ADAM12: variants seen among roughly 807,000 people sequenced by gnomAD.
ADAM12 encodes disintegrin and metalloproteinase domain-containing protein 12.
ADAM12 carries 70 observed loss-of-function variants against 106.4 expected under a neutral mutation model. The observed-to-expected ratio is 0.66, with a 90% CI of 0.54 to 0.80. The LOEUF (loss-of-function observed/expected upper bound fraction) is 0.80. ADAM12 is among the 30% of genes least tolerant of loss of function. The pLI is 0.00. For missense variants in ADAM12, 1,010 were observed against 1,171.9 expected (o/e 0.86, Z 2.02); for synonymous variants, 420 against 433.5 (o/e 0.97, Z 0.39).
intron 6 of ADAM12, among the ~76,000 whole-genome samples, 195 bp downstream of exon 6, chr10:126,117,843 A>G (rs1407500681): frequency 1.3e-5 from 2 of 151,662 alleles, no homozygotes; most frequent in Non-Finnish European, 2.9e-5. Flanking sequence ...TGACATCTGC[A>G]GTACAGTGAT....
At chr10:126,285,811 G>A (rs1329525332) in intron 2 of ADAM12, among the ~76,000 whole-genome samples, 1 of 152,136 alleles carries the variant, frequency 6.6e-6, no homozygotes, top group Non-Finnish European at 1.5e-5. Context: ...GCAAAGACGG[G>A]TGCGGCCAGG....
intron 5 of ADAM12, among the ~76,000 whole-genome samples, chr10:126,131,280 T>C (rs948309308): frequency 6.6e-6 from 1 of 151,958 alleles, no homozygotes; most frequent in Admixed American, 6.6e-5. Context: ...CACTGACAAC[T>C]CTGATTGTTT....
intron 2 of ADAM12, among the ~76,000 whole-genome samples, chr10:126,290,233 AT>A (rs1348928213): frequency 6.6e-6 from 1 of 152,184 alleles, no homozygotes; most frequent in Non-Finnish European, 1.5e-5. Context: ...ATAGAACTGA[AT>A]TCCGCCAGTG....
At chr10:126,106,576 C>T (rs1955774162) in intron 8 of ADAM12, among the ~76,000 whole-genome samples, 1 of 150,736 alleles carries the variant, frequency 6.6e-6, no homozygotes, top group Non-Finnish European at 1.5e-5. Flanking sequence ...ACCTCTGCTT[C>T]CCGGGTTCAA....
In ADAM12 at chr10:126,365,466, T is replaced by C. The variant is rs137927461; in HGVS notation, c.88+22592A>G. ...GGGGTGTATCAGTCTGTTCTCAGGC[T>C]GCTATGAAGAAATGCCCGAGACTGG... is the stretch of plus-strand genomic sequence containing the variant. On this transcript the variant is annotated intron_variant, in intron 1 of 22. Transcript: ENST00000448723. Among the ~76,000 whole-genome samples, 90 of 152,252 alleles carry C rather than the reference T, an allele frequency of 5.9e-4. 1 individual carries two copies. The East Asian group carries it at 0.014, about 23-fold the overall frequency.
chr10:126,118,195 T>C lies in ADAM12; in HGVS notation c.446A>G (p.Tyr149Cys), dbSNP rs763773079. The C allele has an allele frequency of 9.3e-6, 15 of 1,614,058 alleles. No individual in the cohort carries two copies. Among genetic ancestry groups the C allele is most frequent in the Non-Finnish European group, 1.2e-5 (14 of 1,179,924 alleles). Residue 149 changes from tyrosine to cysteine, a missense_variant, in exon 6 of 23, where the codon TAT (tyrosine) becomes TGT (cysteine). Physicochemically the swap from Tyr to Cys is radical, Grantham distance 194. Around this residue, in one of 3 missense-constraint regions of ADAM12, gnomAD observed 391 missense variants for 442.9 expected, o/e 0.88. Transcript: ENST00000448723. ...RGLIVFENES[Y>C]VLEPMKSATN... The stretch of plus-strand genomic sequence containing the variant: ...TGCACTTTTCATTGGTTCTAAGACA[T>C]AGCTTTCATTTTCAAACACAATAAG...
At chr10:126,321,538 A>G (rs563430905) in intron 2 of ADAM12, among the ~76,000 whole-genome samples, 167 of 152,334 alleles carry the variant, frequency 1.1e-3, no homozygotes, top group African/African-American at 3.8e-3. Context: ...AAACAAGTAC[A>G]ATACCTTGGC....
At chr10:126,182,496 A>C (rs1331278729) in intron 3 of ADAM12, among the ~76,000 whole-genome samples, 2 of 152,222 alleles carry the variant, frequency 1.3e-5, no homozygotes, top group African/African-American at 4.8e-5. Flanking sequence ...GATCTTTTCA[A>C]AGTATCCTTT....
chr10:126,083,465 T>C (rs1955271549), intron 11 of ADAM12, among the ~76,000 whole-genome samples: 1 of 152,168 alleles, frequency 6.6e-6, no homozygotes, highest in African/African-American at 2.4e-5. Flanking sequence ...GTAGTATCCA[T>C]GGGTTGGGAG....
chr10:126,265,593 T>C (rs920661549), intron 3 of ADAM12, among the ~76,000 whole-genome samples: 7 of 152,096 alleles, frequency 4.6e-5, no homozygotes, highest in African/African-American at 1.7e-4. Context: ...CTAAAACCAG[T>C]ACCTCAATCT....
In ADAM12 at chr10:126,042,579, T is replaced by C. The variant is rs1426756556; in HGVS notation, c.2104+461A>G. ...CAGCACCTGCACACATCATTCCATA[T>C]GCAAAAGCTGTTGCAATGACTCCCA... On this transcript the variant is annotated intron_variant, in intron 18 of 22. Coordinates refer to ENST00000448723, the MANE Select transcript of ADAM12 (RefSeq NM_001288973.2). Among the ~76,000 whole-genome samples the C allele has an allele frequency of 2.0e-5, 3 of 152,346 alleles. No homozygotes were observed. In the East Asian group the frequency reaches 5.8e-4, roughly 29 times the overall value.
At chr10:126,196,832 T>C (rs1335890545) in intron 3 of ADAM12, among the ~76,000 whole-genome samples, 1 of 151,010 alleles carries the variant, frequency 6.6e-6, no homozygotes, top group Non-Finnish European at 1.5e-5. Flanking sequence ...GAGCATCTGT[T>C]GCTTCTTGTA....
intron 1 of ADAM12, among the ~76,000 whole-genome samples, chr10:126,362,921 T>C (rs758259712): frequency 2.2e-4 from 33 of 152,336 alleles, no homozygotes; most frequent in Middle Eastern, 3.4e-3. Flanking sequence ...TTTCAAATTC[T>C]TGAAGGAAAT....
intron 12 of ADAM12, among the ~76,000 whole-genome samples, chr10:126,067,476 A>G (rs1954895502): frequency 6.6e-6 from 1 of 152,268 alleles, no homozygotes; most frequent in Non-Finnish European, 1.5e-5. Context: ...TTCAAGCATT[A>G]GATGTACTGT....
At chr10:126,192,555 A>G (rs1252964721) in intron 3 of ADAM12, among the ~76,000 whole-genome samples, 2 of 152,236 alleles carry the variant, frequency 1.3e-5, no homozygotes, top group Non-Finnish European at 2.9e-5. Context: ...ACAGGATTCC[A>G]AGAGAAATGT....
intron 3 of ADAM12, among the ~76,000 whole-genome samples, chr10:126,196,961 G>A (rs918806707): frequency 3.3e-5 from 5 of 152,194 alleles, no homozygotes; most frequent in Non-Finnish European, 7.3e-5. Flanking sequence ...ATTCAGATAG[G>A]GCAGGGGATC....
chr10:126,197,046 T>C (rs1957609648), intron 3 of ADAM12, among the ~76,000 whole-genome samples: 1 of 152,110 alleles, frequency 6.6e-6, no homozygotes, highest in Non-Finnish European at 1.5e-5. Flanking sequence ...CTGCTGTGGC[T>C]TTAAGATGGG....
chr10:126,244,249 G>C, intron 3 of ADAM12, among the ~76,000 whole-genome samples: 1 of 152,198 alleles, frequency 6.6e-6, no homozygotes, highest in African/African-American at 2.4e-5. Flanking sequence ...CCTTCATCTG[G>C]CTCATACAGA....
chr10:126,182,143 C>A (rs1957323607), intron 3 of ADAM12, among the ~76,000 whole-genome samples: 1 of 152,204 alleles, frequency 6.6e-6, no homozygotes, highest in Non-Finnish European at 1.5e-5. Flanking sequence ...CTGCCAGGTG[C>A]CCCTCTGCCT....
Sources: gnomAD v4.1 joint callset for allele counts (sites outside exome capture counted in the v4.1 genomes callset) on GRCh38, gnomAD v4.1.1 for gene constraint, gnomAD v4.1.1 regional missense constraint, MANE v1.5 for transcripts, NCBI Gene and HGNC (gene_info 2026-07-23, HGNC 2026-07-21) for gene names.